Variants in CXADR observed in about 807,000 individuals in gnomAD.
CXADR encodes the protein coxsackievirus and adenovirus receptor.
Under a neutral mutation model 40.3 loss-of-function variants are expected in CXADR, and 20 were observed. The observed-to-expected ratio is 0.50, with a 90% CI of 0.35 to 0.72. The LOEUF (loss-of-function observed/expected upper bound fraction) is 0.72, where lower values mean the gene tolerates loss of function less well. Among genes scored for constraint, CXADR ranks in the 30% least tolerant of loss-of-function variants. The pLI is 0.01. For synonymous variants in CXADR, 150 were observed against 161.3 expected (o/e 0.93, Z 0.53); for missense variants, 332 against 449.1 (o/e 0.74, Z 2.36).
At position 17,568,584 on chromosome 21, in the gene CXADR, G is replaced by T. The variant is rs1365925130; in HGVS notation, c.*2892G>T. ...TTTTTTTTTTTTTTTTAAGAGATAG[G>T]GTTTCACTATTGCTCAGGCTGGTCT... On this transcript the variant is annotated 3_prime_UTR_variant, in exon 7 of 7. Transcript: ENST00000284878. The T allele has an allele frequency of 1.0e-6, 1 of 974,894 alleles. No homozygotes were observed. Among genetic ancestry groups the T allele is most frequent in the Admixed American group, 6.2e-5 (1 of 16,040 alleles). The allele number at this position is 974,894 out of a possible 1,614,324, so 60.4% of individuals were successfully genotyped here.
chr21:17,526,297 T>C (rs563913001), intron 1 of CXADR, among the ~76,000 whole-genome samples: 1 of 152,242 alleles, frequency 6.6e-6, no homozygotes, highest in Admixed American at 6.5e-5. Context: ...CTAAAATCGT[T>C]ATTTTTTTTT....
At chr21:17,595,454 A>G (rs2061492413), downstream of CXADR, among the ~76,000 whole-genome samples, 1 of 151,894 alleles carries the variant, frequency 6.6e-6, no homozygotes, top group South Asian at 2.1e-4. Flanking sequence ...GACACCAAAC[A>G]TTTTTTTAAA....
intron 6 of CXADR, among the ~76,000 whole-genome samples, chr21:17,563,239 A>G (rs1484965795): frequency 6.6e-6 from 1 of 152,158 alleles, no homozygotes; most frequent in Non-Finnish European, 1.5e-5. Context: ...GTGAGCTAGG[A>G]TCGCACCACT....
At chr21:17,513,240 A>G (rs1295107351) in intron 1 of CXADR, 68 bp downstream of exon 1, 2 of 1,315,758 alleles carry the variant, frequency 1.5e-6, no homozygotes, top group Non-Finnish European at 2.0e-6. Context: ...GCGGCCACCC[A>G]GGAACAATGG....
At chr21:17,542,046 A>AT (rs2060836583) in intron 1 of CXADR, 3 of 357,804 alleles carry the variant, frequency 8.4e-6, no homozygotes, top group Non-Finnish European at 1.6e-5. Context: ...CCAAATGGTG[A>AT]TTTTTTAATA....
intron 1 of CXADR, among the ~76,000 whole-genome samples, chr21:17,533,685 G>T (rs2060706923): frequency 6.6e-6 from 1 of 152,008 alleles, no homozygotes; most frequent in South Asian, 2.1e-4. Flanking sequence ...TAAGCACTCA[G>T]TAACTGTTTA....
At chr21:17,635,966 T>G in the CXADR span, among the ~76,000 whole-genome samples, 2 of 152,262 alleles carry the variant, frequency 1.3e-5, no homozygotes, top group Admixed American at 6.5e-5. Flanking sequence ...CATTTAATTT[T>G]ACTCAGCAAT....
chr21:17,557,464 C>T (rs184272110), intron 3 of CXADR, among the ~76,000 whole-genome samples: 67 of 152,316 alleles, frequency 4.4e-4, no homozygotes, highest in Non-Finnish European at 1.3e-4. Context: ...TGCTCTTGTC[C>T]AGTGGCATTC....
intron 1 of CXADR, among the ~76,000 whole-genome samples, chr21:17,527,584 C>CA (rs1364861521): frequency 6.6e-6 from 1 of 152,090 alleles, no homozygotes; most frequent in African/African-American, 2.4e-5. Flanking sequence ...AGGAGTCAGA[C>CA]AATTATTCGT....
the CXADR span, among the ~76,000 whole-genome samples, chr21:17,626,691 G>A: frequency 1.3e-5 from 2 of 152,186 alleles, no homozygotes; most frequent in Admixed American, 1.3e-4. Flanking sequence ...GCGCACTTGA[G>A]TCAGCAAGTG....
At chr21:17,590,228 A>T (rs377279690) in intron 7 of CXADR, among the ~76,000 whole-genome samples, 65 of 146,510 alleles carry the variant, frequency 4.4e-4, no homozygotes, top group Non-Finnish European at 7.8e-4. Flanking sequence ...GTAGCTAGGT[A>T]TTTTTTTTTT....
chr21:17,548,456 C>T (rs1359322669), intron 2 of CXADR, among the ~76,000 whole-genome samples: 1 of 152,192 alleles, frequency 6.6e-6, no homozygotes, highest in Middle Eastern at 3.2e-3. Context: ...AGCCTCGTTG[C>T]CCTGTTCCCT....
chr21:17,546,958 GCTGC>G (rs2060904648), intron 1 of CXADR, 65 bp from the exon 2 acceptor site: 1 of 1,564,114 alleles, frequency 6.4e-7, no homozygotes. Flanking sequence ...CTTCTGAATG[GCTGC>G]GGGGCACTGT....
intron 7 of CXADR, among the ~76,000 whole-genome samples, chr21:17,592,248 TGGA>T (rs950865402): frequency 9.2e-5 from 14 of 151,974 alleles, no homozygotes; most frequent in African/African-American, 2.9e-4. Flanking sequence ...TCAGTATCCT[TGGA>T]GGATTTGTTC....
intron 2 of CXADR, among the ~76,000 whole-genome samples, chr21:17,551,474 G>GCTTT (rs2060967619): frequency 6.6e-6 from 1 of 152,122 alleles, no homozygotes; most frequent in Non-Finnish European, 1.5e-5. Context: ...TGCTCTCTAG[G>GCTTT]ACAGTATAGG....
In CXADR at chr21:17,593,358, C is replaced by G. The variant is rs1342428683; in HGVS notation, c.*165C>G. On this transcript the variant is annotated 3_prime_UTR_variant, in exon 8 of 8. Transcript: ENST00000400169. ...GGCATTAGACATGTAAGTCAGATGT[C>G]ATGTCAAAATTAGTACGAGCCAAAT... 5.0e-6 allele frequency: 3 copies of G among 599,974 alleles called. No individual in the cohort carries two copies. In the Admixed American group the frequency reaches 1.4e-4, roughly 28 times the overall value. 37.2% of individuals were successfully genotyped at this position (599,974 alleles called of 1,614,324 possible).
downstream of CXADR, among the ~76,000 whole-genome samples, chr21:17,571,868 C>T (rs149160079): frequency 1.6e-4 from 24 of 152,266 alleles, no homozygotes; most frequent in African/African-American, 5.3e-4. Context: ...CTAATTGTTT[C>T]GCATGCTTGA....
chr21:17,572,228 A>G (rs921462632), downstream of CXADR, among the ~76,000 whole-genome samples: 8 of 141,112 alleles, frequency 5.7e-5, no homozygotes, highest in East Asian at 1.7e-3. Context: ...AAAATTAGGC[A>G]GGCGTGGTGG....
At chr21:17,633,013 T>C in the CXADR span, 1 of 152,204 alleles carries the variant, frequency 6.6e-6, no homozygotes, top group Non-Finnish European at 1.5e-5. Context: ...TTGGATAATG[T>C]TGGGGCTCAG....
Sources: gnomAD v4.1 joint callset for allele counts (sites outside exome capture counted in the v4.1 genomes callset) on GRCh38, gnomAD v4.1.1 for gene constraint, MANE v1.5 for transcripts, NCBI Gene and HGNC (gene_info 2026-07-23, HGNC 2026-07-21) for gene names.